Variants in TST observed in about 807,000 individuals in gnomAD.
TST encodes the protein thiosulfate sulfurtransferase.
A neutral mutation model predicts 20.4 loss-of-function variants in TST; 22 were observed. The observed-to-expected ratio is 1.08, with a 90% CI of 0.77 to 1.54. The LOEUF is 1.54. Among genes scored for constraint, TST ranks in the 40% most tolerant of loss-of-function variants. The pLI, the probability that TST is intolerant of heterozygous loss-of-function variation, is 0.00. For synonymous variants in TST, 187 were observed against 173.8 expected, an observed-to-expected ratio of 1.08 and a Z score of -0.60; for missense variants, 392 against 405.2, an observed-to-expected ratio of 0.97 and a Z score of 0.28.
In TST at chr22:37,011,046, C is replaced by G; in HGVS notation, c.875G>C (p.Gly292Ala). ...RAPPESRVSQ[G>A]KSEKA ...CACGGCTCAGGCCTTCTCAGACTTT[C>G]CCTGGGACACACGGCTCTCTGGGGG... The change falls in exon 3 of 3, where the codon GGA becomes GCA. Residue 292 changes from glycine (G) to alanine (A), a missense_variant. Physicochemically the swap from Gly to Ala is moderately conservative, Grantham distance 60. Transcript: ENST00000249042. The G allele has an allele frequency of 6.2e-7, 1 of 1,610,624 alleles. No homozygotes were observed. The highest frequency in any genetic ancestry group is 8.5e-7 in the Non-Finnish European group (1 of 1,179,172).
chr22:37,014,314 G>C lies in TST; in HGVS notation c.596-2989C>G, dbSNP rs112514358. On this transcript the variant is annotated intron_variant, in intron 2 of 2. Coordinates refer to ENST00000249042, the MANE Select transcript of TST (RefSeq NM_003312.6). ...GAACCCAGGAGGCGGAGCTTAAAAT[G>C]AGCCAAGATCGCACCACTGCACTCC... 4.6e-5 allele frequency among the ~76,000 whole-genome samples: 7 copies of C among 152,300 alleles called. No homozygotes were observed. The South Asian group carries it at 6.2e-4, about 14-fold the overall frequency.
intron 2 of TST, chr22:37,013,136 C>T (rs1922543594): frequency 6.6e-6 from 1 of 152,196 alleles, no homozygotes; most frequent in African/African-American, 2.4e-5. Context: ...CTGGCAGGCA[C>T]ACGATTCGGT....
chr22:37,015,637 C>T (rs1053231008), intron 2 of TST, among the ~76,000 whole-genome samples: 1 of 152,236 alleles, frequency 6.6e-6, no homozygotes, highest in Admixed American at 6.5e-5. Context: ...CTTCTCGCTC[C>T]ATTTAGGGTC....
Position 37,018,585 on chromosome 22 carries a change from C to A in TST, c.148G>T (p.Glu50Ter). The A allele has an allele frequency of 6.4e-7, 1 of 1,562,734 alleles. No individual in the cohort carries two copies. Among genetic ancestry groups the A allele is most frequent in the African/African-American group, 1.4e-5 (1 of 73,770 alleles). ...AAAGAGGCGCCGGGTACGTGGCGCT[C>A]GAGGTACTCCTTGCGGGCCTCTCGG... ...GTREARKEYL[E>*]RHVPGASFFD... The change falls in exon 2 of 3, where the codon GAG (glutamate) becomes TAG (stop). Residue 50 changes from glutamate to a stop codon, truncating the protein, a stop_gained. Coordinates refer to ENST00000249042, the MANE Select transcript of TST (RefSeq NM_003312.6). LOFTEE classifies it high-confidence loss of function.
chr22:37,020,039 C>G (rs962046574), upstream of TST: 2 of 309,596 alleles, frequency 6.5e-6, no homozygotes, highest in African/African-American at 2.2e-5. Context: ...CCGCTTGGGG[C>G]GGCCTGCCGG....
chr22:37,010,872 A>T lies in TST; in HGVS notation c.*155T>A. 8.8e-7 allele frequency: 1 copy of T among 1,139,940 alleles called. No homozygotes were observed. Among genetic ancestry groups the T allele is most frequent in the Non-Finnish European group, 1.2e-6 (1 of 812,832 alleles). The allele number at this position is 1,139,940 out of a possible 1,614,324, so 70.6% of individuals were successfully genotyped here. ...GGCAGGCAAACACACTACTCAGAAA[A>T]GGCAAAGTTTATTCCAGTGTTGACA... On this transcript the variant is annotated 3_prime_UTR_variant, in exon 3 of 3. Transcript: ENST00000249042.
In TST at chr22:37,018,323, T is replaced by A. The variant is rs771379233; in HGVS notation, c.410A>T (p.Glu137Val). The stretch of plus-strand genomic sequence containing the variant: ...GGGCTCGGATGTCACCGGGTGGCCC[T>A]CCTTCAGCCAGTTCCGGAAGCCACC... ...LNGGFRNWLK[E>V]GHPVTSEPSR... Residue 137 changes from glutamate to valine, a missense_variant, in exon 2 of 3, where the codon GAG becomes GTG. Coordinates refer to ENST00000249042, the MANE Select transcript of TST (RefSeq NM_003312.6). 3 of 1,613,786 alleles carry A rather than the reference T, an allele frequency of 1.9e-6. No homozygotes were observed. Among genetic ancestry groups the A allele is most frequent in the Non-Finnish European group, 2.5e-6 (3 of 1,180,008 alleles).
At chr22:37,017,384 G>T (rs1922719560) in intron 2 of TST, among the ~76,000 whole-genome samples, 1 of 152,226 alleles carries the variant, frequency 6.6e-6, no homozygotes, top group African/African-American at 2.4e-5. Flanking sequence ...CTGGGAAGTA[G>T]GGGTAGGGCA....
Position 37,018,125 on chromosome 22 carries a change from C to A in TST, c.595+13G>T. The A allele has an allele frequency of 6.5e-7, 1 of 1,529,738 alleles. No homozygotes were observed. Among genetic ancestry groups the A allele is most frequent in the Non-Finnish European group, 8.8e-7 (1 of 1,136,650 alleles). 94.8% of individuals were successfully genotyped at this position (1,529,738 alleles called of 1,614,324 possible). On this transcript the variant is annotated intron_variant, in intron 2 of 2. Coordinates refer to ENST00000249042, the MANE Select transcript of TST (RefSeq NM_003312.6). ...AATACTCCCCAGGGACCACCCAGCA[C>A]TGGGACACCTACCTACTGCATCCGG... is the stretch of plus-strand genomic sequence containing the variant.
rs1323934571 is a variant in TST, at chr22:37,010,970, G to A, written c.*57C>T. The stretch of plus-strand genomic sequence containing the variant: ...TTCACCTAAGAGGTAAGAACCGGCT[G>A]TAAGTCATGGGGTCACTAAACCGGC... On this transcript the variant is annotated 3_prime_UTR_variant, in exon 3 of 3. Transcript: ENST00000249042. 1.9e-6 allele frequency: 3 copies of A among 1,559,952 alleles called. No homozygotes were observed. Among genetic ancestry groups the A allele is most frequent in the South Asian group, 1.2e-5 (1 of 83,202 alleles).
chr22:37,018,832 G>A, intron 1 of TST, 79 bp from the exon 2 acceptor site: 1 of 1,049,292 alleles, frequency 9.5e-7, no homozygotes. Context: ...AGGCCTGGGA[G>A]AAGCTCTTTC....
At chr22:37,019,701 G>A (rs1394568941), upstream of TST, 1 of 396,466 alleles carries the variant, frequency 2.5e-6, no homozygotes, top group Non-Finnish European at 4.4e-6. Context: ...CCAGTGGAAG[G>A]CGCGGGCAGC....
intron 2 of TST, 74 bp downstream of exon 2, chr22:37,018,064 T>C: frequency 8.5e-7 from 1 of 1,181,116 alleles, no homozygotes. Context: ...CTGGAGAGGG[T>C]CCCAGTCATC....
intron 2 of TST, among the ~76,000 whole-genome samples, chr22:37,014,668 G>T (rs2145897230): frequency 6.6e-6 from 1 of 152,344 alleles, no homozygotes; most frequent in African/African-American, 2.4e-5. Context: ...CACAGCAAAG[G>T]TAAGTCTGAT....
chr22:37,013,043 AAAG>A (rs1922538884), intron 2 of TST, among the ~76,000 whole-genome samples: 1 of 146,476 alleles, frequency 6.8e-6, no homozygotes, highest in African/African-American at 2.7e-5. Context: ...ACTCCGTCTC[AAAG>A]AAAAAAAAAA....
At chr22:37,020,097 T>G, upstream of TST, 3 of 375,024 alleles carry the variant, frequency 8.0e-6, no homozygotes, top group Admixed American at 4.6e-5. Flanking sequence ...TGGAAGTGGG[T>G]GACCTGGTGG....
intron 2 of TST, among the ~76,000 whole-genome samples, chr22:37,012,211 G>A (rs1331781189): frequency 6.6e-6 from 1 of 152,230 alleles, no homozygotes; most frequent in East Asian, 1.9e-4. Flanking sequence ...GGGGGTAGGG[G>A]GAGAATAGGG....
chr22:37,018,149 G>C lies in TST; in HGVS notation c.584C>G (p.Pro195Arg). The change falls in exon 2 of 3, where the codon CCG becomes CGG. Residue 195 changes from proline (P) to arginine (R), a missense_variant. Coordinates refer to ENST00000249042, the MANE Select transcript of TST (RefSeq NM_003312.6). ...ACTGGGACACCTACCTACTGCATCC[G>C]GCTCCGGCTCGGTGCCCAGGAACCG... ...QGRFLGTEPEPDAVGLDSGHI... is the reference protein window; with the variant it reads ...QGRFLGTEPERDAVGLDSGHI... The C allele has an allele frequency of 1.3e-6, 2 of 1,553,624 alleles. No homozygotes were observed. The highest frequency in any genetic ancestry group is 1.7e-6 in the Non-Finnish European group (2 of 1,147,738).
chr22:37,019,736 T>C (rs1206844622), upstream of TST: 2 of 474,580 alleles, frequency 4.2e-6, no homozygotes, highest in East Asian at 3.6e-5. Context: ...GCCGCGGCGG[T>C]GGGCTGTGCC....
Sources: gnomAD v4.1 joint callset for allele counts (sites outside exome capture counted in the v4.1 genomes callset) on GRCh38, gnomAD v4.1.1 for gene constraint, MANE v1.5 for transcripts, NCBI Gene and HGNC (gene_info 2026-07-23, HGNC 2026-07-21) for gene names.